Variants in HIP1R observed in about 807,000 individuals in gnomAD.
HIP1R encodes the protein huntingtin-interacting protein 1-related protein.
HIP1R carries 135 observed loss-of-function variants against 144.2 expected under a neutral mutation model. That is an observed-to-expected ratio of 0.94 (90% CI 0.81 to 1.08). The LOEUF (loss-of-function observed/expected upper bound fraction) is 1.08. HIP1R is among the 50% of genes least tolerant of loss of function. The pLI, the probability that HIP1R is intolerant of heterozygous loss-of-function variation, is 0.00. For missense variants in HIP1R, 1,462 were observed against 1,432.8 expected (o/e 1.02, Z -0.33); for synonymous variants, 698 against 612.8 (o/e 1.14, Z -2.05).
chr12:122,859,395 G>A, intron 22 of HIP1R, 31 bp from the exon 23 acceptor site: 1 of 1,578,066 alleles, frequency 6.3e-7, no homozygotes, highest in Non-Finnish European at 8.7e-7. Context: ...GGGGACGGAG[G>A]CTACCCCTGT....
In HIP1R at chr12:122,836,187, C is replaced by G. The variant is rs1280014171; in HGVS notation, c.93+544C>G. Among the ~76,000 whole-genome samples, 11 of 152,302 alleles carry G rather than the reference C, an allele frequency of 7.2e-5. No individual in the cohort carries two copies. The highest frequency in any genetic ancestry group is 2.6e-4 in the African/African-American group (11 of 41,562). ...TAAAGGAAATTCCTTAAACTCCCAG[C>G]TTCCTTCTCTCGTGAGCGGTTTCCC... On this transcript the variant is annotated intron_variant, in intron 1 of 31. Transcript: ENST00000253083. The surrounding 1 kb of genome is among the most constrained non-coding windows in gnomAD (Gnocchi z 4.1).
chr12:122,841,047 G>A (rs1593860046), intron 1 of HIP1R, among the ~76,000 whole-genome samples: 3 of 152,336 alleles, frequency 2.0e-5, no homozygotes, highest in South Asian at 4.1e-4. Flanking sequence ...TGGAGTCCAG[G>A]CCTGCTTGGC....
chr12:122,835,045 G>C (rs1207526171), upstream of HIP1R: 3 of 1,265,084 alleles, frequency 2.4e-6, no homozygotes, highest in Non-Finnish European at 2.1e-6. Flanking sequence ...GAATTGGCTG[G>C]GGTCCCTACC....
At chr12:122,849,752 C>T (rs1389423243) in intron 4 of HIP1R, 123 bp from the exon 5 acceptor site, 4 of 657,258 alleles carry the variant, frequency 6.1e-6, no homozygotes, top group Non-Finnish European at 8.3e-6. Flanking sequence ...TGGTGGAGGC[C>T]AGGAGAAGAC....
chr12:122,854,962 G>C lies in HIP1R; in HGVS notation c.776G>C (p.Ser259Thr), dbSNP rs753089024. The change falls in exon 9 of 32, where the codon AGC (serine) becomes ACC (threonine). Residue 259 changes from serine (S) to threonine (T), a missense_variant and splice_region_variant. Physicochemically the swap from Ser to Thr is moderately conservative, Grantham distance 58. Transcript: ENST00000253083. ...HRDRFHEQFHSLRNFFRRASD... is the reference protein window; with the variant it reads ...HRDRFHEQFHTLRNFFRRASD... ...GACCGGTTCCACGAGCAGTTTCACA[G>C]GTACTGCCTGGGACAGGGACAGGAT... is the stretch of plus-strand genomic sequence containing the variant. 6.8e-6 allele frequency: 11 copies of C among 1,612,598 alleles called. No individual in the cohort carries two copies. The highest frequency in any genetic ancestry group is 7.6e-6 in the Non-Finnish European group (9 of 1,179,624).
chr12:122,855,794 GTTGAC>G (rs754139164), intron 12 of HIP1R, 32 bp from the exon 13 acceptor site: 9 of 1,548,482 alleles, frequency 5.8e-6, no homozygotes, highest in Non-Finnish European at 5.2e-6. Context: ...GACTGTTCTG[GTTGAC>G]TTAACTTGAA....
In HIP1R at chr12:122,857,108, C is replaced by T; in HGVS notation, c.1708C>T (p.Leu570=). Residue 570 remains leucine, a synonymous_variant, in exon 18 of 32, where the codon CTG becomes TTG. Coordinates refer to ENST00000253083, the MANE Select transcript of HIP1R (RefSeq NM_003959.3). ...SGAVRQREAD[L]LAAQSLVRET... is the part of the protein sequence containing the mutation. ...AGCTGTGCGGCAGCGGGAGGCAGAC[C>T]TGCTGGCGGCGCAGAGCCTGGTGCG... The T allele has an allele frequency of 6.4e-7, 1 of 1,550,948 alleles. No individual in the cohort carries two copies. The highest frequency in any genetic ancestry group is 1.4e-5 in the African/African-American group (1 of 73,206).
rs1378029552 is a variant in HIP1R at position 122,854,101 on chromosome 12, C to T, written c.636C>T (p.Arg212=). Residue 212 remains arginine, a synonymous_variant, in exon 8 of 32, where the codon CGC becomes CGT. Coordinates refer to ENST00000253083, the MANE Select transcript of HIP1R (RefSeq NM_003959.3). ...CCCAGATGTCCTCAGGCCAGTGCCG[C>T]CTGGCCCCCCTCATCCAGGTCATCC... ...AVSQMSSGQC[R]LAPLIQVIQD... 1 of 1,613,930 alleles carries T rather than the reference C, an allele frequency of 6.2e-7. No individual in the cohort carries two copies. The highest frequency in any genetic ancestry group is 2.2e-5 in the East Asian group (1 of 44,876).
chr12:122,838,791 G>A lies in HIP1R; in HGVS notation c.93+3148G>A, dbSNP rs78560615. Among the ~76,000 whole-genome samples the A allele has an allele frequency of 7.0e-3, 1,073 of 152,344 alleles. 14 individuals carry two copies. The highest frequency in any genetic ancestry group is 0.022 in the South Asian group (105 of 4,826). ...CTTTAAATGTGGACAAGGGAGGCAG[G>A]AGAGGAGGTCGGACTGAGTCCATGT... On this transcript the variant is annotated intron_variant, in intron 1 of 31. Coordinates refer to ENST00000253083, the MANE Select transcript of HIP1R (RefSeq NM_003959.3).
Position 122,856,283 on chromosome 12 carries a change from A to G in HIP1R, c.1340A>G (p.Tyr447Cys). Residue 447 changes from tyrosine (Y) to cysteine (C), a missense_variant, in exon 15 of 32, where the codon TAC (tyrosine) becomes TGC (cysteine). Transcript: ENST00000253083. ...ERKASATEAR[Y>C]NKLKEKHSEL... ...AAGGCCAGTGCCACGGAGGCGCGCT[A>G]CAACAAGCTGAAGGAAAAGCACAGT... is the stretch of plus-strand genomic sequence containing the variant. 1 of 1,613,836 alleles carries G rather than the reference A, an allele frequency of 6.2e-7. No individual in the cohort carries two copies. Among genetic ancestry groups the G allele is most frequent in the South Asian group, 1.1e-5 (1 of 91,088 alleles).
intron 1 of HIP1R, among the ~76,000 whole-genome samples, chr12:122,837,003 T>A (rs967437317): frequency 6.6e-6 from 1 of 152,228 alleles, no homozygotes; most frequent in African/African-American, 2.4e-5. Context: ...CCCGTCATTT[T>A]AAAAAAATTT....
intron 1 of HIP1R, among the ~76,000 whole-genome samples, chr12:122,835,982 A>T (rs1274873986): frequency 6.7e-6 from 1 of 148,640 alleles, no homozygotes; most frequent in Non-Finnish European, 1.5e-5. Flanking sequence ...GGGGACGGAG[A>T]TGGGGCCGGG....
intron 6 of HIP1R, 87 bp downstream of exon 6, chr12:122,850,998 G>GGGCAGT (rs2135656406): frequency 8.2e-7 from 1 of 1,213,132 alleles, no homozygotes; most frequent in East Asian, 2.5e-5. Context: ...CGTCCGCATG[G>GGGCAGT]GGCAGTGGGG....
chr12:122,856,383 G>A (rs1271024854), intron 15 of HIP1R, 39 bp downstream of exon 15: 5 of 1,610,806 alleles, frequency 3.1e-6, no homozygotes, highest in Non-Finnish European at 3.4e-6. Context: ...CGGTGGCAGG[G>A]CCTCTCGGGG....
chr12:122,837,276 G>A (rs986843137), intron 1 of HIP1R, among the ~76,000 whole-genome samples: 2 of 152,106 alleles, frequency 1.3e-5, no homozygotes, highest in Non-Finnish European at 1.5e-5. Context: ...TCTGATACAG[G>A]ACCACACATT....
chr12:122,860,712 C>T lies in HIP1R; in HGVS notation c.2694C>T (p.Gly898=), dbSNP rs778571406. ...CTGACAAGGTGGTGCTTCACACGGG[C>T]AAGTATGAGGAGCTCATCGTCTGCT... ...EAADKVVLHT[G]KYEELIVCSH... The change falls in exon 28 of 32, where the codon GGC becomes GGT. Residue 898 remains glycine (G), a synonymous_variant. Coordinates refer to ENST00000253083, the MANE Select transcript of HIP1R (RefSeq NM_003959.3). The T allele has an allele frequency of 6.8e-6, 11 of 1,613,248 alleles. No individual in the cohort carries two copies. The highest frequency in any genetic ancestry group is 3.3e-5 in the Admixed American group (2 of 59,998).
chr12:122,855,528 G>A, intron 11 of HIP1R, 23 bp from the exon 12 acceptor site: 1 of 1,549,454 alleles, frequency 6.5e-7, no homozygotes, highest in African/African-American at 1.4e-5. Flanking sequence ...GGTGAGTGGG[G>A]TCACCATGCT....
chr12:122,856,928 C>T, intron 17 of HIP1R, 93 bp from the exon 18 acceptor site: 1 of 1,237,600 alleles, frequency 8.1e-7, no homozygotes, highest in South Asian at 1.4e-5. Context: ...GAAGTGATCA[C>T]TAACCCCCAG....
intron 1 of HIP1R, among the ~76,000 whole-genome samples, chr12:122,837,136 C>A (rs1290239914): frequency 1.3e-5 from 2 of 152,026 alleles, no homozygotes; most frequent in Non-Finnish European, 2.9e-5. Flanking sequence ...TTTTCTCGTG[C>A]CTTTGAGGAC....
Sources: allele counts gnomAD v4.1 joint callset (sites outside exome capture counted in the v4.1 genomes callset), GRCh38; gene constraint gnomAD v4.1.1; non-coding constraint Gnocchi (gnomAD v3.1); transcripts MANE v1.5; gene names NCBI Gene and HGNC (gene_info 2026-07-23, HGNC 2026-07-21).